Variants in KCNMB2 observed in about 807,000 individuals in gnomAD.
KCNMB2 encodes the protein calcium-activated potassium channel subunit beta-2.
In KCNMB2, 9 loss-of-function variants were observed where a neutral mutation model predicts 24.5. The observed-to-expected ratio is 0.37, with a 90% CI of 0.22 to 0.64. The LOEUF (loss-of-function observed/expected upper bound fraction) is 0.64, where lower values mean the gene tolerates loss of function less well. Among genes scored for constraint, KCNMB2 ranks in the 30% least tolerant of loss-of-function variants. The pLI, the probability that KCNMB2 is intolerant of heterozygous loss-of-function variation, is 0.63. For missense variants in KCNMB2, 226 were observed against 284.3 expected (o/e 0.79, Z 1.47); for synonymous variants, 109 against 104.4 (o/e 1.04, Z -0.27).
intron 1 of KCNMB2, among the ~76,000 whole-genome samples, chr3:178,631,589 T>G (rs906535579): frequency 1.3e-5 from 2 of 152,154 alleles, no homozygotes; most frequent in Non-Finnish European, 2.9e-5. Flanking sequence ...ATGAATGGAT[T>G]AATGGATGAA....
At chr3:178,757,098 C>G (rs533373643) in intron 1 of KCNMB2, 9 of 150,832 alleles carry the variant, frequency 6.0e-5, no homozygotes, top group African/African-American at 2.2e-4. Flanking sequence ...CATTTCCGCC[C>G]CATCTTTGTT....
At chr3:178,569,110 T>A (rs1716675592) in intron 1 of KCNMB2, among the ~76,000 whole-genome samples, 1 of 152,278 alleles carries the variant, frequency 6.6e-6, no homozygotes, top group Non-Finnish European at 1.5e-5. Context: ...TGGCTCTTTT[T>A]CTTTTGGGTT....
intron 1 of KCNMB2, among the ~76,000 whole-genome samples, chr3:178,549,581 C>G (rs1715881870): frequency 6.6e-6 from 1 of 151,444 alleles, no homozygotes; most frequent in Admixed American, 6.6e-5. Context: ...CCTGCCTCAG[C>G]CTCCCAGAGT....
chr3:178,627,658 G>T (rs1719169289), intron 1 of KCNMB2, among the ~76,000 whole-genome samples: 1 of 152,108 alleles, frequency 6.6e-6, no homozygotes, highest in South Asian at 2.1e-4. Flanking sequence ...TTGATTTAAG[G>T]TCACAGGAAA....
intron 1 of KCNMB2, among the ~76,000 whole-genome samples, chr3:178,721,468 T>C (rs1722803311): frequency 6.6e-6 from 1 of 152,220 alleles, no homozygotes. Flanking sequence ...GGTTTATCCA[T>C]TCAACCCTTG....
At chr3:178,826,835 T>C (rs6767499) in intron 3 of KCNMB2, among the ~76,000 whole-genome samples, 97,889 of 151,816 alleles carry the variant, frequency 0.64, 33,443 homozygotes, top group African/African-American at 0.87. Context: ...GTTTCTCTGA[T>C]GGCCTTCAGC....
chr3:178,780,220 C>A (rs1176892490), intron 1 of KCNMB2, among the ~76,000 whole-genome samples: 2 of 152,110 alleles, frequency 1.3e-5, no homozygotes, highest in Non-Finnish European at 2.9e-5. Context: ...GTCTGATAGT[C>A]TTTGATAGAT....
At chr3:178,838,151 G>C (rs970416675) in intron 4 of KCNMB2, among the ~76,000 whole-genome samples, 1 of 152,228 alleles carries the variant, frequency 6.6e-6, no homozygotes, top group African/African-American at 2.4e-5. Context: ...TTAAAGAAAT[G>C]ATCAGGGCAT....
chr3:178,608,770 G>GT (rs1718370784), intron 1 of KCNMB2, among the ~76,000 whole-genome samples: 1 of 152,086 alleles, frequency 6.6e-6, no homozygotes, highest in African/African-American at 2.4e-5. Flanking sequence ...AGAATATGCA[G>GT]TTTGTCTTTC....
chr3:178,713,292 T>C (rs977371249), intron 1 of KCNMB2, among the ~76,000 whole-genome samples: 6 of 152,192 alleles, frequency 3.9e-5, no homozygotes, highest in South Asian at 2.1e-4. Flanking sequence ...CTCAGAAAAA[T>C]TGCATTTCAT....
intron 1 of KCNMB2, among the ~76,000 whole-genome samples, chr3:178,723,958 ATC>A (rs774638249): frequency 6.6e-6 from 1 of 152,108 alleles, no homozygotes; most frequent in Non-Finnish European, 1.5e-5. Flanking sequence ...AAGTGCAGGT[ATC>A]ATTTTAGTAG....
intron 1 of KCNMB2, among the ~76,000 whole-genome samples, chr3:178,648,444 G>C (rs1244525751): frequency 1.3e-5 from 2 of 152,148 alleles, no homozygotes; most frequent in African/African-American, 4.8e-5. Context: ...GAGCCTGAGG[G>C]GGAAGATTAC....
At chr3:178,709,946 A>G (rs546552675) in intron 1 of KCNMB2, among the ~76,000 whole-genome samples, 12 of 152,234 alleles carry the variant, frequency 7.9e-5, no homozygotes, top group African/African-American at 2.9e-4. Flanking sequence ...TTAGGGTCCA[A>G]AAACTTTCAG....
chr3:178,614,182 TTTATC>T (rs1457631296), intron 1 of KCNMB2, among the ~76,000 whole-genome samples: 1 of 141,758 alleles, frequency 7.1e-6, no homozygotes, highest in African/African-American at 2.6e-5. Flanking sequence ...CTTTGTTAAA[TTTATC>T]TTATAGTATT....
At chr3:178,684,431 G>A (rs886806167) in intron 1 of KCNMB2, among the ~76,000 whole-genome samples, 4 of 152,058 alleles carry the variant, frequency 2.6e-5, no homozygotes, top group Admixed American at 2.0e-4. Flanking sequence ...TGTAAAACAT[G>A]AGCACTATAG....
intron 1 of KCNMB2, among the ~76,000 whole-genome samples, chr3:178,742,121 C>T (rs908262690): frequency 2.6e-5 from 4 of 152,270 alleles, no homozygotes; most frequent in African/African-American, 7.2e-5. Context: ...TCATAGAACA[C>T]CTTATAAAGG....
At chr3:178,773,239 TC>T (rs1201196483) in intron 1 of KCNMB2, among the ~76,000 whole-genome samples, 1 of 152,158 alleles carries the variant, frequency 6.6e-6, no homozygotes, top group East Asian at 1.9e-4. Context: ...AGAGTCTTGA[TC>T]CCCAATCTTA....
At chr3:178,618,329 A>T (rs1470130013) in intron 1 of KCNMB2, among the ~76,000 whole-genome samples, 2 of 152,192 alleles carry the variant, frequency 1.3e-5, no homozygotes, top group South Asian at 4.1e-4. Context: ...ACAGTGTGCC[A>T]GATACCTTGC....
chr3:178,810,660 C>A (rs1364157609), intron 2 of KCNMB2, among the ~76,000 whole-genome samples: 1 of 152,138 alleles, frequency 6.6e-6, no homozygotes, highest in East Asian at 1.9e-4. Flanking sequence ...ATTCTGCAAC[C>A]CAGCAATGTG....
Sources: allele counts gnomAD v4.1 joint callset (sites outside exome capture counted in the v4.1 genomes callset), GRCh38; gene constraint gnomAD v4.1.1; transcripts MANE v1.5; gene names NCBI Gene and HGNC (gene_info 2026-07-23, HGNC 2026-07-21).